The following HSD17B14 variants were observed in gnomAD, a reference collection of about 807,000 sequenced individuals.
The protein encoded by HSD17B14 is hydroxysteroid 17-beta dehydrogenase 14.
Under a neutral mutation model 32.2 loss-of-function variants are expected in HSD17B14, and 32 were observed. The ratio of observed to expected loss-of-function variants is 0.99; its 90% CI spans 0.75 to 1.33. The LOEUF (loss-of-function observed/expected upper bound fraction) is 1.33. Among genes scored for constraint, HSD17B14 ranks in the 40% most tolerant of loss-of-function variants. The probability of loss-of-function intolerance (pLI) is 0.00; values close to 1 mark genes in which losing one functional copy is unlikely to be tolerated. For synonymous variants in HSD17B14, 140 were observed against 155.4 expected (o/e 0.90, Z 0.74); for missense variants, 370 against 366.5 (o/e 1.01, Z -0.08).
chr19:48,830,669 G>C (rs2035322151), intron 5 of HSD17B14, among the ~76,000 whole-genome samples: 1 of 151,580 alleles, frequency 6.6e-6, no homozygotes, highest in Non-Finnish European at 1.5e-5. Context: ...TACCTGAGGC[G>C]CACCACCATG....
chr19:48,826,525 G>GAA (rs1418028808), intron 5 of HSD17B14, among the ~76,000 whole-genome samples: 2 of 5,148 alleles, frequency 3.9e-4, no homozygotes, highest in African/African-American at 5.3e-4. Context: ...AAGAAAAGAA[G>GAA]AAAATATATA....
At chr19:48,835,323 G>A (rs2035465084) in intron 2 of HSD17B14, among the ~76,000 whole-genome samples, 2 of 113,716 alleles carry the variant, frequency 1.8e-5, no homozygotes, top group African/African-American at 8.2e-5. Context: ...CTGGGTCTGA[G>A]GGAGGAGGGG....
intron 5 of HSD17B14, among the ~76,000 whole-genome samples, chr19:48,822,265 G>A (rs2035167447): frequency 6.7e-6 from 1 of 149,650 alleles, no homozygotes; most frequent in Non-Finnish European, 1.5e-5. Flanking sequence ...TTTTAGTAAT[G>A]ACGGTGGTGA....
In HSD17B14 at chr19:48,813,347, G is replaced by A; in HGVS notation, c.641C>T (p.Pro214Leu). The A allele has an allele frequency of 6.3e-7, 1 of 1,575,082 alleles. No homozygotes were observed. The highest frequency in any genetic ancestry group is 2.3e-5 in the East Asian group (1 of 42,934). Residue 214 changes from proline to leucine, a missense_variant and splice_region_variant, in exon 9 of 9, where the codon CCA becomes CTA. Physicochemically the swap from Pro to Leu is moderately conservative, Grantham distance 98. Transcript: ENST00000263278. ...ATIREGMLAQPLGRMGQPAEV... is the reference protein window; with the variant it reads ...ATIREGMLAQLLGRMGQPAEV... The stretch of plus-strand genomic sequence containing the variant: ...AGCGGGCTGGCCCATGCGGCCCAGT[G>A]GCTGGGGAGAAAAGAGGGGGGAAGG...
At chr19:48,822,260 G>C (rs987139988) in intron 5 of HSD17B14, among the ~76,000 whole-genome samples, 1 of 147,762 alleles carries the variant, frequency 6.8e-6, no homozygotes, top group African/African-American at 2.5e-5. Flanking sequence ...GTAAATTTTA[G>C]TAATGACGGT....
intron 3 of HSD17B14, 92 bp from the exon 4 acceptor site, chr19:48,832,824 G>A: frequency 1.9e-6 from 2 of 1,064,736 alleles, no homozygotes; most frequent in East Asian, 5.0e-5. Context: ...CACGATCTTG[G>A]CTCACTGCAA....
At chr19:48,835,701 T>TG in intron 2 of HSD17B14, 104 bp downstream of exon 2, 1 of 1,162,182 alleles carries the variant, frequency 8.6e-7, no homozygotes, top group Non-Finnish European at 1.3e-6. Context: ...AAGTAGGGCC[T>TG]GGGGGCCTGG....
intron 5 of HSD17B14, 41 bp from the exon 6 acceptor site, chr19:48,815,182 A>G (rs1325458866): frequency 6.8e-7 from 1 of 1,460,342 alleles, no homozygotes; most frequent in Admixed American, 1.7e-5. Flanking sequence ...CAAGCCCTGC[A>G]TCTTCGCAGA....
At position 48,836,427 on chromosome 19, in the gene HSD17B14, C is replaced by T. The variant is rs775151437; in HGVS notation, c.-16G>A. 1.0e-5 allele frequency: 13 copies of T among 1,266,410 alleles called. No individual in the cohort carries two copies. Among genetic ancestry groups the T allele is most frequent in the Admixed American group, 2.2e-5 (1 of 45,030 alleles). The allele number at this position is 1,266,410 out of a possible 1,614,324, so 78.4% of individuals were successfully genotyped here. On this transcript the variant is annotated 5_prime_UTR_variant, in exon 1 of 9. Transcript: ENST00000263278. ...CCGTAGCCATCCCGTGTACGTCGGT[C>T]TCTCTCTCTCTCTACTCTGGGCCTC...
intron 2 of HSD17B14, among the ~76,000 whole-genome samples, 196 bp from the exon 3 acceptor site, chr19:48,834,554 GA>G (rs1568526311): frequency 2.2e-4 from 19 of 85,130 alleles, no homozygotes; most frequent in Middle Eastern, 4.9e-3. Context: ...TCTGAGGGAG[GA>G]AGGGCTGGGA....
intron 5 of HSD17B14, among the ~76,000 whole-genome samples, chr19:48,818,950 C>T (rs2035101405): frequency 6.6e-6 from 1 of 152,126 alleles, no homozygotes; most frequent in Admixed American, 6.6e-5. Flanking sequence ...GCCTTGAAGG[C>T]CCCCACTTCT....
At chr19:48,836,175 G>A (rs558989330) in intron 1 of HSD17B14, 149 bp downstream of exon 1, 10 of 799,272 alleles carry the variant, frequency 1.3e-5, no homozygotes, top group African/African-American at 8.7e-5. Context: ...AGCCTACAGC[G>A]CCACACGCTT....
At chr19:48,824,492 C>T (rs375835371) in intron 5 of HSD17B14, among the ~76,000 whole-genome samples, 2 of 151,250 alleles carry the variant, frequency 1.3e-5, no homozygotes, top group Admixed American at 1.3e-4. Context: ...AAGAAAGGGC[C>T]GGGCGCAGTG....
intron 2 of HSD17B14, among the ~76,000 whole-genome samples, 156 bp from the exon 3 acceptor site, chr19:48,834,514 A>G (rs113296700): frequency 0.02 from 1,034 of 52,782 alleles, 47 homozygotes; most frequent in Non-Finnish European, 0.021. Flanking sequence ...GGGTCTGAGG[A>G]AGTAGGGCCT....
At chr19:48,817,179 T>TTTTG (rs1555775967) in intron 5 of HSD17B14, among the ~76,000 whole-genome samples, 2 of 148,396 alleles carry the variant, frequency 1.3e-5, no homozygotes, top group African/African-American at 5.0e-5. Context: ...AAAAAAATAT[T>TTTTG]TTTTGTTTTA....
At chr19:48,829,555 T>C (rs531455274) in intron 5 of HSD17B14, among the ~76,000 whole-genome samples, 61 of 151,780 alleles carry the variant, frequency 4.0e-4, no homozygotes, top group Non-Finnish European at 8.2e-4. Flanking sequence ...TTTCACCATG[T>C]TGGACTCCTG....
At chr19:48,829,284 GT>G (rs772505948) in intron 5 of HSD17B14, among the ~76,000 whole-genome samples, 5 of 151,778 alleles carry the variant, frequency 3.3e-5, no homozygotes, top group Non-Finnish European at 7.4e-5. Context: ...CAGCTCCCAG[GT>G]TGAAGTGATC....
intron 5 of HSD17B14, 130 bp downstream of exon 5, chr19:48,831,538 G>GA: frequency 1.3e-6 from 1 of 741,882 alleles, no homozygotes; most frequent in African/African-American, 1.7e-5. Context: ...GGGCGACAGA[G>GA]AGAGACCCTG....
At chr19:48,815,716 G>A (rs1250529971) in intron 5 of HSD17B14, among the ~76,000 whole-genome samples, 1 of 151,902 alleles carries the variant, frequency 6.6e-6, no homozygotes, top group Non-Finnish European at 1.5e-5. Context: ...TGGTTTCTAT[G>A]AGGCCTTCAT....
Sources: allele counts gnomAD v4.1 joint callset (sites outside exome capture counted in the v4.1 genomes callset), GRCh38; gene constraint gnomAD v4.1.1; transcripts MANE v1.5; gene names NCBI Gene and HGNC (gene_info 2026-07-23, HGNC 2026-07-21).